The following COX4I1 variants were observed in gnomAD, a reference collection of about 807,000 sequenced individuals.
COX4I1 encodes cytochrome c oxidase subunit 4 isoform 1, mitochondrial.
Under a neutral mutation model 21.7 loss-of-function variants are expected in COX4I1, and 18 were observed. The ratio of observed to expected loss-of-function variants is 0.83; its 90% confidence interval spans 0.57 to 1.23. The LOEUF (loss-of-function observed/expected upper bound fraction) is 1.23. Ranked by LOEUF, COX4I1 falls within the 50% of genes most tolerant of loss-of-function variation. The probability of loss-of-function intolerance (pLI) is 0.00; values close to 1 mark genes in which losing one functional copy is unlikely to be tolerated. For synonymous variants in COX4I1, 100 were observed against 81.5 expected (o/e 1.23, Z -1.23); for missense variants, 238 against 220.7 (o/e 1.08, Z -0.50).
chr16:85,805,151 CGT>C, intron 3 of COX4I1, 47 bp downstream of exon 3: 2 of 1,567,546 alleles, frequency 1.3e-6, no homozygotes, highest in Non-Finnish European at 1.7e-6. Context: ...CTCTCGGAAG[CGT>C]GTGTGTGACA....
At chr16:85,803,517 A>G (rs1470374445) in intron 2 of COX4I1, 1 of 152,236 alleles carries the variant, frequency 6.6e-6, no homozygotes, top group Non-Finnish European at 1.5e-5. Context: ...CAGACATAGG[A>G]CAGAATTGGA....
intron 3 of COX4I1, 171 bp from the exon 4 acceptor site, chr16:85,805,562 G>A: frequency 2.2e-6 from 2 of 889,066 alleles, no homozygotes; most frequent in Non-Finnish European, 1.7e-6. Flanking sequence ...TGCCTGCGTG[G>A]GCACGTGTGT....
intron 4 of COX4I1, 57 bp downstream of exon 4, chr16:85,805,921 C>T (rs1906164540): frequency 1.2e-6 from 2 of 1,608,032 alleles, no homozygotes; most frequent in South Asian, 2.2e-5. Context: ...GCCTGCAGTG[C>T]CCATTGGTGG....
intron 3 of COX4I1, 116 bp from the exon 4 acceptor site, chr16:85,805,617 T>C: frequency 6.7e-7 from 1 of 1,488,344 alleles, no homozygotes; most frequent in African/African-American, 1.4e-5. Flanking sequence ...TGGTGTATCC[T>C]TCAGCTCTGT....
At chr16:85,800,636 T>A (rs1023847190) in intron 1 of COX4I1, among the ~76,000 whole-genome samples, 4 of 152,216 alleles carry the variant, frequency 2.6e-5, no homozygotes, top group African/African-American at 9.7e-5. Flanking sequence ...TGCCTTTTTT[T>A]GTTTGAGACG....
chr16:85,806,239 A>T lies in COX4I1; in HGVS notation c.373+375A>T, dbSNP rs978629854. ...TTGAATGACTGTCTGGACTGTTGTG[A>T]GGACTGCATCTCAACAGCCAGCATC... On this transcript the variant is annotated intron_variant, in intron 4 of 4. Coordinates refer to ENST00000253452, the MANE Select transcript of COX4I1 (RefSeq NM_001861.6). The T allele has an allele frequency of 2.0e-5, 12 of 596,326 alleles. 1 individual carries two copies. The highest frequency in any genetic ancestry group is 8.3e-5 in the East Asian group (3 of 36,280). 36.9% of individuals were successfully genotyped at this position (596,326 alleles called of 1,614,324 possible).
intron 2 of COX4I1, 76 bp from the exon 3 acceptor site, chr16:85,804,861 G>C (rs1168809869): frequency 1.5e-6 from 2 of 1,367,996 alleles, no homozygotes; most frequent in Admixed American, 4.2e-5. Context: ...TCTGTGTTTC[G>C]GTTTTCAGAA....
Position 85,806,935 on chromosome 16 carries a change from C to G in COX4I1, c.*61C>G. On this transcript the variant is annotated 3_prime_UTR_variant, in exon 5 of 5. Coordinates refer to ENST00000253452, the MANE Select transcript of COX4I1 (RefSeq NM_001861.6). ...CTGTCACCGCCATGCAACTCCATGCCTATTTACTGGAAACCTGTTATGCCA... is the reference window on the plus strand; with the variant it reads ...CTGTCACCGCCATGCAACTCCATGCGTATTTACTGGAAACCTGTTATGCCA... The G allele has an allele frequency of 1.3e-6, 2 of 1,549,838 alleles. No homozygotes were observed. The highest frequency in any genetic ancestry group is 2.4e-5 in the South Asian group (2 of 82,698).
chr16:85,805,251 G>A (rs1344975070), intron 3 of COX4I1, 147 bp downstream of exon 3: 1 of 766,164 alleles, frequency 1.3e-6, no homozygotes, highest in East Asian at 2.8e-5. Flanking sequence ...ACTGTGCCAG[G>A]GCCCCAGTTT....
intron 1 of COX4I1, among the ~76,000 whole-genome samples, chr16:85,800,535 C>T (rs1053605049): frequency 2.6e-5 from 4 of 152,204 alleles, no homozygotes; most frequent in Non-Finnish European, 5.9e-5. Flanking sequence ...CTCCCCCCAC[C>T]GCTCCCTGAA....
At chr16:85,803,128 A>C (rs1417256569) in intron 2 of COX4I1, 2 of 152,222 alleles carry the variant, frequency 1.3e-5, no homozygotes, top group Non-Finnish European at 2.9e-5. Flanking sequence ...TGAGTGTTTT[A>C]AACTTTAGAG....
At chr16:85,805,247 C>A in intron 3 of COX4I1, 143 bp downstream of exon 3, 2 of 767,610 alleles carry the variant, frequency 2.6e-6, no homozygotes, top group Non-Finnish European at 4.0e-6. Context: ...GGTCACTGTG[C>A]CAGGGCCCCA....
intron 1 of COX4I1, among the ~76,000 whole-genome samples, chr16:85,800,419 G>C (rs1567839249): frequency 1.3e-5 from 2 of 152,342 alleles, no homozygotes; most frequent in African/African-American, 4.8e-5. Flanking sequence ...TCGGGGCTGT[G>C]TTGGCAGCCT....
At chr16:85,801,759 A>C (rs540563272) in intron 2 of COX4I1, among the ~76,000 whole-genome samples, 44 of 152,308 alleles carry the variant, frequency 2.9e-4, no homozygotes, top group Admixed American at 5.9e-4. Flanking sequence ...GCTCACCTGA[A>C]GTATATGGAC....
At chr16:85,805,158 G>A (rs771751860) in intron 3 of COX4I1, 54 bp downstream of exon 3, 20 of 1,546,028 alleles carry the variant, frequency 1.3e-5, no homozygotes, top group Admixed American at 5.7e-5. Context: ...AAGCGTGTGT[G>A]TGACAGAGCC....
chr16:85,806,326 A>C, intron 4 of COX4I1: 1 of 620,758 alleles, frequency 1.6e-6, no homozygotes, highest in Non-Finnish European at 2.9e-6. Flanking sequence ...CGTGGTAATG[A>C]CTCTTCCCCG....
At chr16:85,806,010 C>A (rs1263971850) in intron 4 of COX4I1, 146 bp downstream of exon 4, 8 of 1,159,268 alleles carry the variant, frequency 6.9e-6, no homozygotes, top group Admixed American at 2.3e-5. Flanking sequence ...GTTTCCAGGC[C>A]TTGGTGACCT....
At chr16:85,800,130 G>A (rs912247262) in intron 1 of COX4I1, among the ~76,000 whole-genome samples, 3 of 152,238 alleles carry the variant, frequency 2.0e-5, no homozygotes, top group African/African-American at 7.2e-5. Context: ...GGTTTTGCGG[G>A]GCTCCCGGGC....
intron 2 of COX4I1, among the ~76,000 whole-genome samples, chr16:85,801,826 C>G (rs965940273): frequency 6.6e-6 from 1 of 152,052 alleles, no homozygotes; most frequent in Non-Finnish European, 1.5e-5. Context: ...TATCTGGCGT[C>G]TATCTACTTT....
Sources: gnomAD v4.1 joint callset for allele counts (sites outside exome capture counted in the v4.1 genomes callset) on GRCh38, gnomAD v4.1.1 for gene constraint, MANE v1.5 for transcripts, NCBI Gene and HGNC (gene_info 2026-07-23, HGNC 2026-07-21) for gene names.